P4HA1: variants seen among roughly 807,000 people sequenced by gnomAD.
P4HA1 encodes the protein prolyl 4-hydroxylase subunit alpha-1.
In P4HA1, 24 loss-of-function variants were observed where a neutral mutation model predicts 72.8. The ratio of observed to expected loss-of-function variants is 0.33; its 90% CI spans 0.24 to 0.46. The LOEUF is 0.46. P4HA1 is among the 20% of genes least tolerant of loss of function. The probability of loss-of-function intolerance (pLI) is 1.00; values close to 1 mark genes in which losing one functional copy is unlikely to be tolerated. For synonymous variants in P4HA1, 201 were observed against 218.8 expected (o/e 0.92, Z 0.72); for missense variants, 446 against 640.6 (o/e 0.70, Z 3.28).
At chr10:73,043,814 G>T in intron 9 of P4HA1, 1 of 1,150,966 alleles carries the variant, frequency 8.7e-7, no homozygotes, top group Non-Finnish European at 1.3e-6. Flanking sequence ...TATATCATGA[G>T]TTTTCAGAAA....
chr10:73,028,054 A>C (rs1029026819), intron 10 of P4HA1, among the ~76,000 whole-genome samples: 1 of 152,202 alleles, frequency 6.6e-6, no homozygotes, highest in Non-Finnish European at 1.5e-5. Flanking sequence ...AACACTGAAT[A>C]AACCTGGCAG....
intron 10 of P4HA1, among the ~76,000 whole-genome samples, chr10:73,029,279 C>T (rs988691530): frequency 2.6e-5 from 4 of 151,802 alleles, no homozygotes; most frequent in Admixed American, 1.3e-4. Context: ...AGTGTGGTGG[C>T]GCATGCCTGT....
intron 5 of P4HA1, among the ~76,000 whole-genome samples, chr10:73,054,747 C>T (rs1418094716): frequency 3.3e-5 from 5 of 152,202 alleles, no homozygotes; most frequent in African/African-American, 1.2e-4. Flanking sequence ...TTCTCCACAT[C>T]CTTGCTAATG....
intron 1 of P4HA1, among the ~76,000 whole-genome samples, chr10:73,084,887 C>T (rs1841894491): frequency 6.6e-6 from 1 of 152,140 alleles, no homozygotes; most frequent in African/African-American, 2.4e-5. Flanking sequence ...AAGGTGCAAT[C>T]CCAGCACTTT....
chr10:73,028,343 C>A (rs982122972), intron 10 of P4HA1, among the ~76,000 whole-genome samples: 1 of 147,096 alleles, frequency 6.8e-6, no homozygotes, highest in Non-Finnish European at 1.5e-5. Context: ...CACACACACA[C>A]ACAAAATACA....
At position 73,067,452 on chromosome 10, in the gene P4HA1, C is replaced by T. The variant is rs112641273; in HGVS notation, c.463+1394G>A. On this transcript the variant is annotated intron_variant, in intron 5 of 14. Coordinates refer to ENST00000394890, the MANE Select transcript of P4HA1 (RefSeq NM_001017962.3). ...ACTCAGGACAGTTCAATCTCTTCCA[C>T]ATGGCTTACAAAGCTCTCCAAGAGA... 2.8e-3 allele frequency among the ~76,000 whole-genome samples: 428 copies of T among 152,280 alleles called. 1 individual carries two copies. Among genetic ancestry groups the T allele is most frequent in the African/African-American group, 9.3e-3 (385 of 41,562 alleles).
intron 1 of P4HA1, among the ~76,000 whole-genome samples, chr10:73,078,864 G>A (rs1371508460): frequency 4.0e-5 from 6 of 151,800 alleles, no homozygotes; most frequent in South Asian, 2.1e-4. Flanking sequence ...TGCCTGCCTC[G>A]GCCTCCTAAA....
intron 6 of P4HA1, among the ~76,000 whole-genome samples, chr10:73,051,500 C>T (rs1158684175): frequency 6.6e-6 from 1 of 152,130 alleles, no homozygotes; most frequent in Non-Finnish European, 1.5e-5. Flanking sequence ...TGGCTCACAC[C>T]TGTAATCCCA....
intron 3 of P4HA1, among the ~76,000 whole-genome samples, chr10:73,073,287 T>A (rs1352098347): frequency 7.0e-6 from 1 of 142,006 alleles, no homozygotes; most frequent in Non-Finnish European, 1.5e-5. Context: ...AGTGGCACAA[T>A]CTTGGCTCAC....
At chr10:73,077,380 T>C (rs186995629) in intron 1 of P4HA1, among the ~76,000 whole-genome samples, 2 of 152,194 alleles carry the variant, frequency 1.3e-5, no homozygotes, top group Non-Finnish European at 2.9e-5. Context: ...GTCACTAAAG[T>C]TTTTTTGTCA....
At chr10:73,077,167 C>A (rs750575881) in intron 1 of P4HA1, among the ~76,000 whole-genome samples, 15 of 152,246 alleles carry the variant, frequency 9.9e-5, no homozygotes, top group Non-Finnish European at 2.1e-4. Context: ...AAAGCCTGAG[C>A]TGTCTGAAGA....
chr10:73,095,227 T>TTA lies in P4HA1; in HGVS notation c.-33+1538_-33+1539insTA, dbSNP rs1398125356. 7.7e-4 allele frequency among the ~76,000 whole-genome samples: 52 copies of TTA among 67,344 alleles called. 2 individuals carry two copies. The Admixed American group carries it at 8.4e-3, about 11-fold the overall frequency. The allele number at this position is 67,344 out of a possible 152,430, so 44.2% of individuals were successfully genotyped here. ...AGATTCTTAAATTACGCTCACAAGCTAAAAAAAAAAAAAAAAAAAAAAAAA... is the reference window on the plus strand; with the variant it reads ...AGATTCTTAAATTACGCTCACAAGCTTAAAAAAAAAAAAAAAAAAAAAAAAAA... On this transcript the variant is annotated intron_variant, in intron 1 of 14. Coordinates refer to ENST00000394890, the MANE Select transcript of P4HA1 (RefSeq NM_001017962.3).
chr10:73,016,605 T>G (rs1840012311), intron 11 of P4HA1, among the ~76,000 whole-genome samples: 1 of 152,172 alleles, frequency 6.6e-6, no homozygotes, highest in Non-Finnish European at 1.5e-5. Context: ...GGCGAAACCC[T>G]GTCGCTACTA....
chr10:73,021,649 G>T (rs1278009453), intron 10 of P4HA1, among the ~76,000 whole-genome samples: 1 of 152,198 alleles, frequency 6.6e-6, no homozygotes, highest in Non-Finnish European at 1.5e-5. Flanking sequence ...TGGACAGTGG[G>T]TGCAGACCAT....
chr10:73,027,435 C>G (rs1331145324), intron 10 of P4HA1, among the ~76,000 whole-genome samples: 1 of 145,580 alleles, frequency 6.9e-6, no homozygotes, highest in Non-Finnish European at 1.5e-5. Flanking sequence ...ACATCACACA[C>G]CGGGGCCTGT....
chr10:73,028,345 C>A (rs928627832), intron 10 of P4HA1, among the ~76,000 whole-genome samples: 29 of 146,164 alleles, frequency 2.0e-4, no homozygotes, highest in Admixed American at 6.7e-4. Context: ...CACACACACA[C>A]AAAATACATT....
At chr10:73,023,642 A>G (rs1328907978) in intron 10 of P4HA1, among the ~76,000 whole-genome samples, 8 of 152,146 alleles carry the variant, frequency 5.3e-5, no homozygotes, top group East Asian at 1.9e-4. Flanking sequence ...ATTCACATAT[A>G]ACAATATTAG....
chr10:73,084,234 A>C (rs1418960005), intron 1 of P4HA1, among the ~76,000 whole-genome samples: 2 of 152,248 alleles, frequency 1.3e-5, no homozygotes, highest in Non-Finnish European at 2.9e-5. Flanking sequence ...ACTTAAATAT[A>C]AATTATGAAG....
At position 73,028,307 on chromosome 10, in the gene P4HA1, AACACAC is replaced by A. The variant is rs10561551; in HGVS notation, c.1248+1958_1248+1963del. Reference sequence around the variant, plus strand: ...ATGGCATCAAACCGTGTCACTGTAAAACACACACACACACACACACACACACACACA... The same window carrying A: ...ATGGCATCAAACCGTGTCACTGTAAAACACACACACACACACACACACACA... On this transcript the variant is annotated intron_variant, in intron 10 of 14. Transcript: ENST00000394890. Among the ~76,000 whole-genome samples, 1,045 of 143,736 alleles carry A rather than the reference AACACAC, an allele frequency of 7.3e-3. 8 individuals carry two copies. Among genetic ancestry groups the A allele is most frequent in the African/African-American group, 0.017 (660 of 39,200 alleles). 94.3% of individuals were successfully genotyped at this position (143,736 alleles called of 152,430 possible). A position where few individuals can be genotyped will look rare whatever the true frequency, so the allele number is the denominator to read the frequency against.
Sources: allele counts gnomAD v4.1 joint callset (sites outside exome capture counted in the v4.1 genomes callset), GRCh38; gene constraint gnomAD v4.1.1; transcripts MANE v1.5; gene names NCBI Gene and HGNC (gene_info 2026-07-23, HGNC 2026-07-21).